Variants in CHSY3 observed in about 807,000 individuals in gnomAD.
The protein encoded by CHSY3 is N-acetylgalactosaminyl-proteoglycan 3-beta-glucuronosyltransferase 3.
A neutral mutation model predicts 67.2 loss-of-function variants in CHSY3; 35 were observed. The observed-to-expected ratio is 0.52, with a 90% confidence interval of 0.40 to 0.69. The LOEUF is 0.69. Ranked by LOEUF, CHSY3 falls within the 30% of genes least tolerant of loss-of-function variation. The probability of loss-of-function intolerance (pLI) is 0.00; values close to 1 mark genes in which losing one functional copy is unlikely to be tolerated. For missense variants in CHSY3, 1,069 were observed against 1,138.5 expected (o/e 0.94, Z 0.88); for synonymous variants, 474 against 434.7 (o/e 1.09, Z -1.12).
chr5:130,011,779 A>G (rs1764069175), intron 2 of CHSY3, among the ~76,000 whole-genome samples: 1 of 152,224 alleles, frequency 6.6e-6, no homozygotes, highest in South Asian at 2.1e-4. Context: ...TCAGGATACA[A>G]AAGCAATGTA....
chr5:130,112,560 T>A (rs1456753658), intron 2 of CHSY3, among the ~76,000 whole-genome samples: 1 of 152,098 alleles, frequency 6.6e-6, no homozygotes. Context: ...TACTGTATTG[T>A]CCAGCTACAC....
chr5:129,978,582 C>A (rs1762878461), intron 2 of CHSY3, among the ~76,000 whole-genome samples: 1 of 152,086 alleles, frequency 6.6e-6, no homozygotes, highest in African/African-American at 2.4e-5. Flanking sequence ...ACAAACAGTT[C>A]TTGAGATCAA....
chr5:130,159,003 G>A (rs1409901361), intron 2 of CHSY3, among the ~76,000 whole-genome samples: 4 of 151,982 alleles, frequency 2.6e-5, no homozygotes, highest in Non-Finnish European at 4.4e-5. Flanking sequence ...GTTTCACCAT[G>A]TTGCCCAGTC....
At chr5:129,963,663 A>G (rs1262429316) in intron 2 of CHSY3, among the ~76,000 whole-genome samples, 1 of 151,678 alleles carries the variant, frequency 6.6e-6, no homozygotes, top group African/African-American at 2.4e-5. Context: ...AGAGTCTACA[A>G]CCTCCTGTTG....
chr5:130,079,490 TCTTTC>T (rs1766377832), intron 2 of CHSY3, among the ~76,000 whole-genome samples: 1 of 152,104 alleles, frequency 6.6e-6, no homozygotes, highest in South Asian at 2.1e-4. Flanking sequence ...TATTTTTGCC[TCTTTC>T]CTTTATGATT....
intron 2 of CHSY3, among the ~76,000 whole-genome samples, chr5:130,171,718 G>T (rs926781997): frequency 1.8e-4 from 28 of 152,174 alleles, no homozygotes; most frequent in Non-Finnish European, 2.6e-4. Context: ...GGAAAAATGT[G>T]TCAGTTTTAA....
At chr5:130,111,664 C>T (rs1767594759) in intron 2 of CHSY3, among the ~76,000 whole-genome samples, 1 of 152,012 alleles carries the variant, frequency 6.6e-6, no homozygotes, top group African/African-American at 2.4e-5. Flanking sequence ...AAGGCTTCAG[C>T]CTACATCAAA....
chr5:129,924,260 G>T (rs1045273973), intron 2 of CHSY3, among the ~76,000 whole-genome samples: 1 of 151,934 alleles, frequency 6.6e-6, no homozygotes, highest in African/African-American at 2.4e-5. Context: ...TCAAACATTA[G>T]ACAACTTGAT....
intron 2 of CHSY3, among the ~76,000 whole-genome samples, chr5:130,122,527 C>T (rs1168331060): frequency 2.0e-5 from 3 of 152,200 alleles, no homozygotes; most frequent in African/African-American, 7.2e-5. Context: ...AGGCGGCACT[C>T]AGCTTTCTAA....
chr5:130,151,903 T>C (rs1173335436), intron 2 of CHSY3, among the ~76,000 whole-genome samples: 1 of 152,174 alleles, frequency 6.6e-6, no homozygotes, highest in Admixed American at 6.5e-5. Flanking sequence ...CAGGCAAAAT[T>C]CATCCCCTCA....
chr5:129,987,323 A>T (rs1561486046), intron 2 of CHSY3, among the ~76,000 whole-genome samples: 1 of 152,194 alleles, frequency 6.6e-6, no homozygotes, highest in Non-Finnish European at 1.5e-5. Flanking sequence ...ATATAAAAGT[A>T]AAACATTTCT....
At chr5:130,118,388 T>C (rs914239974) in intron 2 of CHSY3, among the ~76,000 whole-genome samples, 3 of 152,168 alleles carry the variant, frequency 2.0e-5, no homozygotes, top group African/African-American at 7.2e-5. Context: ...CAGGTTATTC[T>C]AAGTAAGCAA....
intron 2 of CHSY3, among the ~76,000 whole-genome samples, chr5:130,177,897 C>A (rs929266501): frequency 6.6e-6 from 1 of 151,982 alleles, no homozygotes. Flanking sequence ...GATATTGGAT[C>A]TCCTGAACTG....
At chr5:130,009,299 T>C (rs1763976583) in intron 2 of CHSY3, among the ~76,000 whole-genome samples, 1 of 152,108 alleles carries the variant, frequency 6.6e-6, no homozygotes, top group South Asian at 2.1e-4. Context: ...CAGAAGAGAT[T>C]GGGAGCCTAT....
Position 130,077,056 on chromosome 5 carries a change from C to T in CHSY3, c.1087-107173C>T, listed in dbSNP as rs558654355. The stretch of plus-strand genomic sequence containing the variant: ...GGCACATGTATACATATGTAACTAA[C>T]CTGCACATTGTGCACATGTACCCTA... On this transcript the variant is annotated intron_variant, in intron 2 of 2. Coordinates refer to ENST00000305031, the MANE Select transcript of CHSY3 (RefSeq NM_175856.5). Among the ~76,000 whole-genome samples, 749 of 150,822 alleles carry T rather than the reference C, an allele frequency of 5.0e-3. 7 individuals are homozygous for T. The highest frequency in any genetic ancestry group is 8.3e-3 in the Non-Finnish European group (564 of 67,698).
intron 2 of CHSY3, among the ~76,000 whole-genome samples, chr5:130,173,429 G>T (rs974059813): frequency 2.6e-5 from 4 of 152,056 alleles, no homozygotes; most frequent in Non-Finnish European, 4.4e-5. Flanking sequence ...ACCAGGATAT[G>T]GATATAATCC....
chr5:129,907,336 T>TA (rs1322383643), intron 1 of CHSY3, among the ~76,000 whole-genome samples: 6 of 152,200 alleles, frequency 3.9e-5, no homozygotes, highest in Non-Finnish European at 8.8e-5. Context: ...AGATAATGAC[T>TA]GCAGATGCTG....
At chr5:130,113,783 A>T (rs1767672811) in intron 2 of CHSY3, among the ~76,000 whole-genome samples, 1 of 152,202 alleles carries the variant, frequency 6.6e-6, no homozygotes, top group Non-Finnish European at 1.5e-5. Context: ...GTGCTATTTT[A>T]CAGATACATA....
Position 129,904,965 on chromosome 5 carries a change from T to G in CHSY3, c.136T>G (p.Ser46Ala). 6.4e-7 allele frequency: 1 copy of G among 1,565,574 alleles called. No individual in the cohort carries two copies. Among genetic ancestry groups the G allele is most frequent in the Middle Eastern group, 1.8e-4 (1 of 5,714 alleles). The change falls in exon 1 of 3, where the codon TCC (serine) becomes GCC (alanine). Residue 46 changes from serine (S) to alanine (A), a missense_variant. By Grantham distance (99) the Ser-to-Ala change is moderately conservative. Transcript: ENST00000305031. ...GAAGAGACGTGGCTCCAGCCTCTGCTCCTACTACGGTCGCTCTGCTGCTGG... is the reference window on the plus strand; with the variant it reads ...GAAGAGACGTGGCTCCAGCCTCTGCGCCTACTACGGTCGCTCTGCTGCTGG... Reference protein sequence around the residue: ...ERKRRGSSLCSYYGRSAAGPR... With the variant: ...ERKRRGSSLCAYYGRSAAGPR...
Sources: allele counts gnomAD v4.1 joint callset (sites outside exome capture counted in the v4.1 genomes callset), GRCh38; gene constraint gnomAD v4.1.1; transcripts MANE v1.5; gene names NCBI Gene and HGNC (gene_info 2026-07-23, HGNC 2026-07-21).